Variants in SDK1 observed in about 807,000 individuals in gnomAD.
SDK1 encodes sidekick cell adhesion molecule 1, also known as protein sidekick-1.
A neutral mutation model predicts 245.5 loss-of-function variants in SDK1; 157 were observed. The observed-to-expected ratio is 0.64, with a 90% confidence interval of 0.56 to 0.73. The LOEUF is 0.73. Among genes scored for constraint, SDK1 ranks in the 30% least tolerant of loss-of-function variants. The pLI is 0.00. For synonymous variants in SDK1, 1,647 were observed against 1,278.5 expected (o/e 1.29, Z -6.15); for missense variants, 3,583 against 3,002.3 (o/e 1.19, Z -4.52).
At chr7:3,450,676 T>A (rs927106893) in intron 1 of SDK1, among the ~76,000 whole-genome samples, 3 of 152,160 alleles carry the variant, frequency 2.0e-5, no homozygotes, top group Non-Finnish European at 4.4e-5. Context: ...ATGAAGATCT[T>A]TATTGGTTGG....
At chr7:3,560,748 T>TCC (rs1779725158) in intron 1 of SDK1, among the ~76,000 whole-genome samples, 1 of 152,166 alleles carries the variant, frequency 6.6e-6, no homozygotes, top group African/African-American at 2.4e-5. Flanking sequence ...GAGCCCTCTC[T>TCC]GTATCCTCCT....
intron 4 of SDK1, among the ~76,000 whole-genome samples, chr7:3,801,126 T>C (rs1294702797): frequency 6.6e-6 from 1 of 152,202 alleles, no homozygotes; most frequent in Admixed American, 6.5e-5. Flanking sequence ...AGGGAAGACA[T>C]AGATGCGGAT....
chr7:3,566,285 C>T (rs1054551682), intron 1 of SDK1, among the ~76,000 whole-genome samples: 9 of 142,152 alleles, frequency 6.3e-5, no homozygotes, highest in Admixed American at 2.2e-4. Context: ...AGTGCAGTGG[C>T]GCGATCTTGG....
chr7:3,602,758 A>G lies in SDK1; in HGVS notation c.299-16322A>G, dbSNP rs550858127. Among the ~76,000 whole-genome samples, 24 of 151,840 alleles carry G rather than the reference A, an allele frequency of 1.6e-4. No homozygotes were observed. In the South Asian group the frequency reaches 1.9e-3, roughly 12 times the overall value. ...AGACATGAAGTCCTTGCCTGTGCCT[A>G]TGTCCTCAATGGTATTGCCTAGGTT... On this transcript the variant is annotated intron_variant, in intron 1 of 44. Transcript: ENST00000404826.
chr7:3,936,865 G>A (rs954702613), intron 5 of SDK1, among the ~76,000 whole-genome samples: 3 of 152,166 alleles, frequency 2.0e-5, no homozygotes, highest in Non-Finnish European at 2.9e-5. Flanking sequence ...GGGTGGGGAC[G>A]AGTTAGGAAT....
chr7:3,615,219 G>A (rs1352860400), intron 1 of SDK1, among the ~76,000 whole-genome samples: 2 of 151,626 alleles, frequency 1.3e-5, no homozygotes, highest in African/African-American at 2.4e-5. Flanking sequence ...AGTGCAAATG[G>A]CCAGACATTA....
At position 4,064,607 on chromosome 7, in the gene SDK1, T is replaced by C. The variant is rs116001381; in HGVS notation, c.2912-3231T>C. On this transcript the variant is annotated intron_variant, in intron 19 of 44. Transcript: ENST00000404826. ...GAGTCAGTGCATCAAAGGATACCCATACCCCATGCTTACTGCAGCACCATT... is the reference window on the plus strand; with the variant it reads ...GAGTCAGTGCATCAAAGGATACCCACACCCCATGCTTACTGCAGCACCATT... 8.5e-3 allele frequency among the ~76,000 whole-genome samples: 1,299 copies of C among 152,260 alleles called. 17 individuals carry two copies. Among genetic ancestry groups the C allele is most frequent in the South Asian group, 0.03 (145 of 4,808 alleles).
intron 1 of SDK1, among the ~76,000 whole-genome samples, chr7:3,593,469 G>C (rs1397858661): frequency 6.6e-6 from 1 of 152,146 alleles, no homozygotes. Context: ...GCTCATCTTT[G>C]TATACTTCTA....
At chr7:3,555,754 G>T (rs1333633084) in intron 1 of SDK1, among the ~76,000 whole-genome samples, 1 of 152,050 alleles carries the variant, frequency 6.6e-6, no homozygotes, top group African/African-American at 2.4e-5. Context: ...TTAAAAAATG[G>T]ACAAAAGATC....
chr7:4,171,806 G>A (rs536442644), intron 32 of SDK1, among the ~76,000 whole-genome samples: 72 of 152,346 alleles, frequency 4.7e-4, no homozygotes, highest in African/African-American at 1.6e-3. Context: ...GTGGGCAGCG[G>A]GAGTCCTCGG....
In SDK1 at chr7:4,061,479, A is replaced by G. The variant is rs529164580; in HGVS notation, c.2912-6359A>G. Among the ~76,000 whole-genome samples, 658 of 152,118 alleles carry G rather than the reference A, an allele frequency of 4.3e-3. 5 individuals are homozygous for G. Among genetic ancestry groups the G allele is most frequent in the African/African-American group, 0.015 (627 of 41,484 alleles). On this transcript the variant is annotated intron_variant, in intron 19 of 44. Transcript: ENST00000404826. Reference sequence around the variant, plus strand: ...ATGGCAATCATTAAAAAGTCAGGAAACAACAGGTGCTGGAGAGGATGTGGA... The same window carrying G: ...ATGGCAATCATTAAAAAGTCAGGAAGCAACAGGTGCTGGAGAGGATGTGGA...
At chr7:3,513,509 A>G (rs1237025133) in intron 1 of SDK1, among the ~76,000 whole-genome samples, 1 of 152,224 alleles carries the variant, frequency 6.6e-6, no homozygotes, top group African/African-American at 2.4e-5. Context: ...CACAAAGAAG[A>G]ATTAAGACTG....
intron 4 of SDK1, among the ~76,000 whole-genome samples, chr7:3,752,174 G>A (rs1304999589): frequency 2.0e-5 from 3 of 152,098 alleles, no homozygotes; most frequent in African/African-American, 7.2e-5. Context: ...CCTGAAATTG[G>A]CTCTGTTAAC....
At chr7:4,159,980 G>T (rs1781010363) in intron 31 of SDK1, among the ~76,000 whole-genome samples, 1 of 152,158 alleles carries the variant, frequency 6.6e-6, no homozygotes, top group South Asian at 2.1e-4. Context: ...GTTACACCTA[G>T]AAATGATTTA....
At position 4,072,710 on chromosome 7, in the gene SDK1, A is replaced by T. The variant is rs534282316; in HGVS notation, c.3011-4288A>T. Among the ~76,000 whole-genome samples, 338 of 152,348 alleles carry T rather than the reference A, an allele frequency of 2.2e-3. 2 individuals are homozygous for T. Among genetic ancestry groups the T allele is most frequent in the South Asian group, 2.7e-3 (13 of 4,830 alleles). On this transcript the variant is annotated intron_variant, in intron 20 of 44. Coordinates refer to ENST00000404826, the MANE Select transcript of SDK1 (RefSeq NM_152744.4). ...CTCGCAGGCTTCCTGCAAAGGCTGC[A>T]CCTGCTATTAAAGGCAGCTGCAGGA...
At chr7:3,515,583 T>C (rs958679828) in intron 1 of SDK1, among the ~76,000 whole-genome samples, 2 of 152,240 alleles carry the variant, frequency 1.3e-5, no homozygotes, top group African/African-American at 2.4e-5. Flanking sequence ...GAATGTACTC[T>C]TAAAATAGTA....
intron 19 of SDK1, among the ~76,000 whole-genome samples, chr7:4,052,959 C>T (rs540243180): frequency 6.6e-5 from 10 of 151,516 alleles, no homozygotes; most frequent in South Asian, 4.2e-4. Flanking sequence ...TGGTGGCAGG[C>T]GCCTGTAATC....
chr7:4,022,074 A>G (rs911263352), intron 17 of SDK1, among the ~76,000 whole-genome samples: 2 of 152,194 alleles, frequency 1.3e-5, no homozygotes, highest in African/African-American at 4.8e-5. Flanking sequence ...AGCTATTAGC[A>G]CTGATTGTCA....
At chr7:3,870,176 T>G (rs1419101718) in intron 5 of SDK1, among the ~76,000 whole-genome samples, 2 of 152,236 alleles carry the variant, frequency 1.3e-5, no homozygotes, top group African/African-American at 4.8e-5. Context: ...CTTTTAAGAC[T>G]CCATAAAGAT....
Sources: gnomAD v4.1 joint callset for allele counts (sites outside exome capture counted in the v4.1 genomes callset) on GRCh38, gnomAD v4.1.1 for gene constraint, MANE v1.5 for transcripts, NCBI Gene and HGNC (gene_info 2026-07-23, HGNC 2026-07-21) for gene names.